The following OTOA variants were observed in gnomAD, a reference collection of about 807,000 sequenced individuals.
The protein encoded by OTOA is cancer/testis antigen 108.
In OTOA, 70 loss-of-function variants were observed where a neutral mutation model predicts 110.8. The ratio of observed to expected loss-of-function variants is 0.63; its 90% CI spans 0.52 to 0.77. OTOA has a LOEUF of 0.77. OTOA is among the 30% of genes least tolerant of loss of function. The probability of loss-of-function intolerance (pLI) is 0.00; values close to 1 mark genes in which losing one functional copy is unlikely to be tolerated. For missense variants in OTOA, 917 were observed against 1,075.8 expected (o/e 0.85, Z 2.06); for synonymous variants, 373 against 431.5 (o/e 0.86, Z 1.68).
At chr16:21,720,638 G>A (rs1898700730) in intron 17 of OTOA, among the ~76,000 whole-genome samples, 1 of 152,156 alleles carries the variant, frequency 6.6e-6, no homozygotes. Context: ...AGTAGGTAAG[G>A]GGTGAGGCCT....
Position 21,726,544 on chromosome 16 carries a change from C to T in OTOA, c.1902C>T (p.Val634=), listed in dbSNP as rs1013773064. The T allele has an allele frequency of 7.4e-6, 12 of 1,613,844 alleles. No individual in the cohort carries two copies. Among genetic ancestry groups the T allele is most frequent in the Middle Eastern group, 1.7e-4 (1 of 5,916 alleles). ...CCAGGGCCCGCTACCTGGCTTCTGT[C>T]CCAGCCTCCCAGTGTGTGCCCTTTC... ...AALPARYLAS[V]PASQCVPFLI... Residue 634 remains valine (V), a synonymous_variant, in exon 19 of 29, where the codon GTC becomes GTT. Coordinates refer to ENST00000646100, the MANE Select transcript of OTOA (RefSeq NM_144672.4).
intron 10 of OTOA, among the ~76,000 whole-genome samples, chr16:21,699,309 G>T (rs1898004587): frequency 6.6e-6 from 1 of 152,158 alleles, no homozygotes; most frequent in Non-Finnish European, 1.5e-5. Context: ...ACAACTTTAT[G>T]AGCCCCTTTG....
At chr16:21,721,497 A>G (rs1898740948) in intron 17 of OTOA, 1 of 456,004 alleles carries the variant, frequency 2.2e-6, no homozygotes, top group South Asian at 1.5e-5. Flanking sequence ...ACACAGAGGT[A>G]CCTGGTCGAA....
At chr16:21,702,625 G>A (rs1435486858) in intron 11 of OTOA, among the ~76,000 whole-genome samples, 1 of 152,046 alleles carries the variant, frequency 6.6e-6, no homozygotes, top group Non-Finnish European at 1.5e-5. Flanking sequence ...GTCTTTGTAG[G>A]GATTTGCACA....
chr16:21,679,243 G>A (rs926781618), intron 5 of OTOA, 32 bp downstream of exon 5: 2 of 1,604,310 alleles, frequency 1.2e-6, no homozygotes, highest in Non-Finnish European at 1.7e-6. Context: ...GGGAAGGGAT[G>A]GTATAGATTT....
chr16:21,709,810 TA>T, intron 12 of OTOA, 77 bp from the exon 13 acceptor site: 3 of 1,293,590 alleles, frequency 2.3e-6, no homozygotes, highest in Non-Finnish European at 1.1e-6. Context: ...TGTGGAGTCC[TA>T]ATAGCCCTGG....
chr16:21,664,436 GA>G (rs954579342), intron 1 of OTOA, among the ~76,000 whole-genome samples: 14 of 152,060 alleles, frequency 9.2e-5, no homozygotes, highest in African/African-American at 3.4e-4. Flanking sequence ...GGAGGGGGGG[GA>G]CGATGAAACT....
At chr16:21,727,824 T>C (rs1898970369) in intron 19 of OTOA, among the ~76,000 whole-genome samples, 2 of 151,986 alleles carry the variant, frequency 1.3e-5, no homozygotes. Context: ...GGTAGGCAGT[T>C]AAGATCCTGG....
At chr16:21,724,780 A>G (rs4783342) in intron 18 of OTOA, among the ~76,000 whole-genome samples, 1 of 150,410 alleles carries the variant, frequency 6.6e-6, no homozygotes, top group Non-Finnish European at 1.5e-5. Flanking sequence ...TTAATTAATT[A>G]ATTTATTTAT....
intron 1 of OTOA, among the ~76,000 whole-genome samples, 188 bp from the exon 2 acceptor site, chr16:21,678,323 G>A (rs1966865665): frequency 6.6e-6 from 1 of 152,028 alleles, no homozygotes; most frequent in Non-Finnish European, 1.5e-5. Flanking sequence ...ATGGAGGAAA[G>A]TAGGTGAGTT....
At chr16:21,679,123 G>T in intron 4 of OTOA, 57 bp downstream of exon 4, 1 of 1,612,966 alleles carries the variant, frequency 6.2e-7, no homozygotes, top group Non-Finnish European at 8.5e-7. Context: ...ACAGAATGTA[G>T]CTGTGATCTC....
intron 21 of OTOA, among the ~76,000 whole-genome samples, chr16:21,734,074 C>G (rs1947930648): frequency 6.6e-6 from 1 of 151,486 alleles, no homozygotes; most frequent in African/African-American, 2.4e-5. Flanking sequence ...GCTAGGATTA[C>G]AGGTGTGAGC....
chr16:21,731,960 T>C (rs1304738884), intron 21 of OTOA, among the ~76,000 whole-genome samples: 1 of 152,060 alleles, frequency 6.6e-6, no homozygotes. Flanking sequence ...TGTTTATTTT[T>C]ATTTTATTAT....
At chr16:21,758,819 T>C (rs1900075779) in intron 28 of OTOA, among the ~76,000 whole-genome samples, 1 of 151,534 alleles carries the variant, frequency 6.6e-6, no homozygotes, top group Non-Finnish European at 1.5e-5. Flanking sequence ...CTGGCCAACA[T>C]GGCAAAACCC....
chr16:21,715,255 T>A, intron 14 of OTOA, 103 bp downstream of exon 14: 3 of 1,489,562 alleles, frequency 2.0e-6, no homozygotes, highest in Non-Finnish European at 2.8e-6. Flanking sequence ...GGGCTGGGAT[T>A]GTCTCAGCTG....
At chr16:21,696,327 G>C (rs1482907465) in intron 9 of OTOA, among the ~76,000 whole-genome samples, 3 of 152,104 alleles carry the variant, frequency 2.0e-5, no homozygotes, top group African/African-American at 7.2e-5. Flanking sequence ...ATAAGAGAAG[G>C]CTTTAAGGGA....
At chr16:21,717,777 C>G (rs1029242589) in intron 15 of OTOA, among the ~76,000 whole-genome samples, 1 of 152,116 alleles carries the variant, frequency 6.6e-6, no homozygotes, top group Non-Finnish European at 1.5e-5. Flanking sequence ...CACAGCCCAA[C>G]AGTGCGCCAG....
At chr16:21,691,397 T>C (rs1019830496) in intron 8 of OTOA, among the ~76,000 whole-genome samples, 187 bp from the exon 9 acceptor site, 1 of 152,200 alleles carries the variant, frequency 6.6e-6, no homozygotes, top group Admixed American at 6.5e-5. Flanking sequence ...CCACGCTGTC[T>C]TCCACAATGG....
Position 21,691,024 on chromosome 16 carries a change from T to C in OTOA, c.636-560T>C, listed in dbSNP as rs201478242. ...TGTTCCCCTTGCTGTGCCCAAGTGA[T>C]CTCATTGTTCAATTCCCACCTATGA... On this transcript the variant is annotated intron_variant, in intron 8 of 28. Transcript: ENST00000646100. Among the ~76,000 whole-genome samples the C allele has an allele frequency of 3.0e-5, 4 of 134,562 alleles. No individual in the cohort carries two copies. In the East Asian group the frequency reaches 9.7e-4, roughly 33 times the overall value. The allele number at this position is 134,562 out of a possible 152,430, so 88.3% of individuals were successfully genotyped here. A position where few individuals can be genotyped will look rare whatever the true frequency, so the allele number is the denominator to read the frequency against.
Sources: allele counts gnomAD v4.1 joint callset (sites outside exome capture counted in the v4.1 genomes callset), GRCh38; gene constraint gnomAD v4.1.1; transcripts MANE v1.5; gene names NCBI Gene and HGNC (gene_info 2026-07-23, HGNC 2026-07-21).